The following LRBA variants were observed in gnomAD, a reference collection of about 807,000 sequenced individuals.
LRBA encodes lipopolysaccharide-responsive and beige-like anchor protein.
A neutral mutation model predicts 330.0 loss-of-function variants in LRBA; 176 were observed. That is an observed-to-expected ratio of 0.53 (90% CI 0.47 to 0.60). LRBA has a LOEUF of 0.60. LRBA is among the 20% of genes least tolerant of loss of function. LRBA has a pLI of 0.00. For missense variants in LRBA, 3,259 were observed against 3,444.8 expected (o/e 0.95, Z 1.35); for synonymous variants, 1,230 against 1,193.0 (o/e 1.03, Z -0.64).
chr4:150,587,913 T>C (rs1581752522), intron 40 of LRBA, 135 bp downstream of exon 40: 3 of 853,886 alleles, frequency 3.5e-6, no homozygotes, highest in South Asian at 2.5e-5. Flanking sequence ...CTAAAGAAGA[T>C]AATGACATTG....
chr4:150,559,569 T>A (rs1195891503), intron 40 of LRBA, among the ~76,000 whole-genome samples: 1 of 120,260 alleles, frequency 8.3e-6, no homozygotes, highest in Non-Finnish European at 1.6e-5. Context: ...TTTATATAAA[T>A]ATATAAATAT....
intron 35 of LRBA, among the ~76,000 whole-genome samples, chr4:150,757,026 TTTAA>T (rs77391623): frequency 0.055 from 8,430 of 152,202 alleles, 347 homozygotes; most frequent in East Asian, 0.18. Context: ...CTTGTGAAAA[TTTAA>T]TTATTTAACT....
intron 40 of LRBA, among the ~76,000 whole-genome samples, chr4:150,524,182 A>T (rs1050977326): frequency 1.3e-5 from 2 of 152,208 alleles, no homozygotes; most frequent in African/African-American, 4.8e-5. Flanking sequence ...CTTCTTATAC[A>T]TGGTCATAAA....
chr4:150,840,474 T>G (rs1748900535), intron 28 of LRBA: 1 of 152,192 alleles, frequency 6.6e-6, no homozygotes, highest in Admixed American at 6.5e-5. Context: ...ATTGTTGTGT[T>G]TCAGGAAATA....
chr4:150,534,700 G>A (rs1764454437), intron 40 of LRBA, among the ~76,000 whole-genome samples: 1 of 152,082 alleles, frequency 6.6e-6, no homozygotes, highest in Non-Finnish European at 1.5e-5. Flanking sequence ...GAGACAGGAA[G>A]AATTAACATT....
intron 51 of LRBA, among the ~76,000 whole-genome samples, chr4:150,314,295 T>C (rs925078272): frequency 1.3e-5 from 2 of 152,146 alleles, no homozygotes; most frequent in East Asian, 3.9e-4. Flanking sequence ...TTTTAATATA[T>C]GGCAAATCAT....
At chr4:150,433,680 CTTA>C (rs759338160) in intron 46 of LRBA, among the ~76,000 whole-genome samples, 3 of 151,950 alleles carry the variant, frequency 2.0e-5, no homozygotes, top group Non-Finnish European at 4.4e-5. Flanking sequence ...TTTCATTTCT[CTTA>C]TTATTTCTCA....
chr4:150,556,962 A>G (rs1289068431), intron 40 of LRBA, among the ~76,000 whole-genome samples: 1 of 152,190 alleles, frequency 6.6e-6, no homozygotes, highest in Non-Finnish European at 1.5e-5. Context: ...AAGAAAGATA[A>G]TTAAAAGGAC....
chr4:150,963,508 G>A (rs953301863), intron 2 of LRBA, among the ~76,000 whole-genome samples: 6 of 149,558 alleles, frequency 4.0e-5, no homozygotes, highest in Admixed American at 2.6e-4. Flanking sequence ...CCAGGCTGGA[G>A]TGCAGTGGCG....
chr4:150,971,367 A>G (rs1335949828), intron 2 of LRBA, among the ~76,000 whole-genome samples: 3 of 152,202 alleles, frequency 2.0e-5, no homozygotes, highest in African/African-American at 7.2e-5. Flanking sequence ...TGTTTTAGCT[A>G]TAAGGTCATC....
intron 36 of LRBA, among the ~76,000 whole-genome samples, chr4:150,710,564 TAAGATAATTTTCCATTCACAGAAA>T (rs1170711478): frequency 2.0e-5 from 3 of 152,122 alleles, no homozygotes; most frequent in African/African-American, 2.4e-5. Context: ...TTAATTACCT[TAAGATAATTTTCCATTCACAGAAA>T]AAGGATATAT....
At chr4:150,975,299 C>T (rs906414968) in intron 2 of LRBA, among the ~76,000 whole-genome samples, 11 of 151,882 alleles carry the variant, frequency 7.2e-5, no homozygotes, top group African/African-American at 9.7e-5. Flanking sequence ...GAAGCCAAGG[C>T]GGGTGGGATC....
intron 2 of LRBA, among the ~76,000 whole-genome samples, chr4:150,965,157 A>G (rs895919520): frequency 6.6e-6 from 1 of 152,204 alleles, no homozygotes; most frequent in Non-Finnish European, 1.5e-5. Context: ...ATACAATTAC[A>G]TTAAGTATGA....
At chr4:150,299,125 A>G (rs894745661) in intron 53 of LRBA, among the ~76,000 whole-genome samples, 3 of 152,146 alleles carry the variant, frequency 2.0e-5, no homozygotes, top group African/African-American at 7.2e-5. Flanking sequence ...CATTATTCTG[A>G]AGGTGAAATA....
rs186713683 is a variant in LRBA at position 150,502,990 on chromosome 4, C to A, written c.6331-11955G>T. Among the ~76,000 whole-genome samples, 13 of 152,300 alleles carry A rather than the reference C, an allele frequency of 8.5e-5. 1 individual carries two copies. The East Asian group carries it at 2.5e-3, about 29-fold the overall frequency. ...AGTCTGAGATCAAACTGCAAGGTGG[C>A]AGCGAGGCTGGGGGAGGGGTGCCCA... On this transcript the variant is annotated intron_variant, in intron 40 of 56. Coordinates refer to ENST00000651943, the MANE Select transcript of LRBA (RefSeq NM_001364905.1).
intron 37 of LRBA, among the ~76,000 whole-genome samples, chr4:150,601,703 T>C (rs75449101): frequency 6.6e-6 from 1 of 152,184 alleles, no homozygotes; most frequent in Admixed American, 6.5e-5. Flanking sequence ...AATTTTTTTT[T>C]CTTTTTGAGT....
intron 13 of LRBA, among the ~76,000 whole-genome samples, chr4:150,904,955 A>C (rs902751505): frequency 6.6e-6 from 1 of 152,192 alleles, no homozygotes; most frequent in African/African-American, 2.4e-5. Context: ...CAAAAGGCAG[A>C]AGGGGAGAGA....
At chr4:150,535,494 CT>C in intron 40 of LRBA, among the ~76,000 whole-genome samples, 1 of 152,106 alleles carries the variant, frequency 6.6e-6, no homozygotes, top group East Asian at 1.9e-4. Flanking sequence ...CTTCTTTGTT[CT>C]CTTTCTATAT....
intron 46 of LRBA, among the ~76,000 whole-genome samples, chr4:150,432,179 A>G (rs1415047444): frequency 6.6e-6 from 1 of 152,046 alleles, no homozygotes; most frequent in Admixed American, 6.6e-5. Context: ...GTTTTTGGAA[A>G]ATCTCACAAA....
Sources: allele counts gnomAD v4.1 joint callset (sites outside exome capture counted in the v4.1 genomes callset), GRCh38; gene constraint gnomAD v4.1.1; transcripts MANE v1.5; gene names NCBI Gene and HGNC (gene_info 2026-07-23, HGNC 2026-07-21).